LARP1: variants seen among roughly 807,000 people sequenced by gnomAD.
LARP1 encodes the protein La ribonucleoprotein 1, translational regulator, also known as la-related protein 1.
In LARP1, 36 loss-of-function variants were observed where a neutral mutation model predicts 122.7. The observed-to-expected ratio is 0.29, with a 90% CI of 0.22 to 0.39. LARP1 has a LOEUF of 0.39. LARP1 is among the 10% of genes least tolerant of loss of function. The probability of loss-of-function intolerance (pLI) is 1.00; values close to 1 mark genes in which losing one functional copy is unlikely to be tolerated. For synonymous variants in LARP1, 539 were observed against 528.7 expected (o/e 1.02, Z -0.27); for missense variants, 1,040 against 1,403.6 (o/e 0.74, Z 4.14).
chr5:154,764,643 A>T (rs140637304), intron 1 of LARP1, among the ~76,000 whole-genome samples: 2,300 of 146,954 alleles, frequency 0.016, 24 homozygotes, highest in East Asian at 0.036. Context: ...AGTGGCTCAC[A>T]CCTGTAATCC....
chr5:154,688,590 G>A (rs1473487955), intron 1 of LARP1, among the ~76,000 whole-genome samples: 6 of 147,386 alleles, frequency 4.1e-5, no homozygotes, highest in Admixed American at 2.7e-4. Context: ...GGAGGCAGAG[G>A]TTGCAGTGAG....
At chr5:154,725,705 G>T (rs1314663544) in intron 1 of LARP1, among the ~76,000 whole-genome samples, 2 of 152,198 alleles carry the variant, frequency 1.3e-5, no homozygotes, top group Non-Finnish European at 2.9e-5. Flanking sequence ...CTGCGCAAGG[G>T]ATATGCTCTT....
intron 18 of LARP1, among the ~76,000 whole-genome samples, chr5:154,812,373 G>A (rs1387771673): frequency 1.3e-5 from 2 of 152,148 alleles, no homozygotes; most frequent in Admixed American, 1.3e-4. Flanking sequence ...AAGGAAAGAG[G>A]TTTAATTGAC....
chr5:154,806,764 A>T (rs1161970113), intron 15 of LARP1, among the ~76,000 whole-genome samples: 1 of 152,164 alleles, frequency 6.6e-6, no homozygotes, highest in Non-Finnish European at 1.5e-5. Context: ...TGATTCATCC[A>T]CTTCACTTCT....
intron 1 of LARP1, among the ~76,000 whole-genome samples, chr5:154,740,907 G>C (rs556712049): frequency 1.3e-5 from 2 of 152,320 alleles, no homozygotes; most frequent in Non-Finnish European, 2.9e-5. Flanking sequence ...AGCCTTTCAG[G>C]TCAGGACAGT....
At chr5:154,798,526 T>C (rs1057497768) in intron 8 of LARP1, among the ~76,000 whole-genome samples, 4 of 152,210 alleles carry the variant, frequency 2.6e-5, no homozygotes, top group Non-Finnish European at 1.5e-5. Context: ...GATGGATGTT[T>C]TGGTTGTTTT....
At chr5:154,695,954 A>G (rs142559269) in intron 1 of LARP1, among the ~76,000 whole-genome samples, 3 of 152,174 alleles carry the variant, frequency 2.0e-5, no homozygotes, top group Non-Finnish European at 4.4e-5. Context: ...GATGTACGCT[A>G]GTAGGTCTTG....
chr5:154,721,002 T>A (rs1755830978), intron 1 of LARP1, among the ~76,000 whole-genome samples: 1 of 151,932 alleles, frequency 6.6e-6, no homozygotes, highest in African/African-American at 2.4e-5. Context: ...TCTTTTCTAT[T>A]TGAGTTCATT....
chr5:154,770,954 A>C (rs925709769), intron 1 of LARP1, among the ~76,000 whole-genome samples: 1 of 152,022 alleles, frequency 6.6e-6, no homozygotes, highest in Non-Finnish European at 1.5e-5. Context: ...CTCTACAAAA[A>C]TACAAAAATT....
At chr5:154,732,157 C>A (rs1171799327) in intron 1 of LARP1, among the ~76,000 whole-genome samples, 1 of 142,046 alleles carries the variant, frequency 7.0e-6, no homozygotes, top group East Asian at 2.1e-4. Context: ...CAGAGCAAGA[C>A]TCTAGCTAAA....
chr5:154,736,536 T>TTTATTTA (rs1554081610), intron 1 of LARP1, among the ~76,000 whole-genome samples: 1 of 133,162 alleles, frequency 7.5e-6, no homozygotes, highest in African/African-American at 2.9e-5. Flanking sequence ...CCTGGCCTAT[T>TTTATTTA]TTTATTTATT....
chr5:154,747,196 C>T (rs941631837), intron 1 of LARP1, among the ~76,000 whole-genome samples: 3 of 151,188 alleles, frequency 2.0e-5, no homozygotes, highest in Non-Finnish European at 4.4e-5. Flanking sequence ...ATCCCAGCTA[C>T]TTGGGAGGCT....
chr5:154,811,152 G>T (rs1759241882), intron 16 of LARP1, 95 bp from the exon 17 acceptor site: 6 of 895,474 alleles, frequency 6.7e-6, no homozygotes, highest in Middle Eastern at 2.2e-4. Flanking sequence ...ATAACATGTA[G>T]TTTAAACTGT....
At chr5:154,791,124 GTTTTTTGTTGTTTTT>G (rs1229033075) in intron 3 of LARP1, among the ~76,000 whole-genome samples, 4 of 143,268 alleles carry the variant, frequency 2.8e-5, no homozygotes, top group Admixed American at 2.1e-4. Flanking sequence ...GCCTCTCAGT[GTTTTTTGTTGTTTTT>G]TTTTTTTTTT....
intron 1 of LARP1, among the ~76,000 whole-genome samples, chr5:154,730,527 C>T (rs1756494117): frequency 6.6e-6 from 1 of 151,340 alleles, no homozygotes; most frequent in Non-Finnish European, 1.5e-5. Flanking sequence ...GGCTGGGGTG[C>T]AATGGCGCAA....
At chr5:154,694,841 TG>T (rs1053743469) in intron 1 of LARP1, among the ~76,000 whole-genome samples, 55 of 152,226 alleles carry the variant, frequency 3.6e-4, no homozygotes, top group Middle Eastern at 6.8e-3. Context: ...TTTGGTTTAT[TG>T]TTTTTTTTTA....
upstream of LARP1, among the ~76,000 whole-genome samples, chr5:154,710,191 A>C (rs1755147294): frequency 6.6e-6 from 1 of 152,160 alleles, no homozygotes; most frequent in Admixed American, 6.5e-5. Context: ...GACTGGTACC[A>C]GTCCATGGCC....
rs557419132 is a variant in LARP1 at position 154,736,042 on chromosome 5, C to T, written c.205+22912C>T. ...TTAAGTGATCCTTCTGCCTCAGCCT[C>T]TCAAGTAGCTGGGACTACAGGTGTT... On this transcript the variant is annotated intron_variant, in intron 1 of 18. Transcript: ENST00000336314. Among the ~76,000 whole-genome samples the T allele has an allele frequency of 3.3e-5, 5 of 151,972 alleles. No individual in the cohort carries two copies. The South Asian group carries it at 1.0e-3, about 32-fold the overall frequency.
At chr5:154,761,225 G>C (rs936477540) in intron 1 of LARP1, among the ~76,000 whole-genome samples, 1 of 152,200 alleles carries the variant, frequency 6.6e-6, no homozygotes, top group South Asian at 2.1e-4. Flanking sequence ...CAGGTAGTTT[G>C]AGTTTCATAC....
Sources: gnomAD v4.1 joint callset for allele counts (sites outside exome capture counted in the v4.1 genomes callset) on GRCh38, gnomAD v4.1.1 for gene constraint, MANE v1.5 for transcripts, NCBI Gene and HGNC (gene_info 2026-07-23, HGNC 2026-07-21) for gene names.